The following IQCM variants were observed in gnomAD, a reference collection of about 807,000 sequenced individuals.
IQCM encodes the protein IQ motif containing M.
IQCM carries 45 observed loss-of-function variants against 57.6 expected under a neutral mutation model. That is an observed-to-expected ratio of 0.78 (90% CI 0.62 to 1.00). The LOEUF is 1.00. IQCM is among the 50% of genes least tolerant of loss of function. The pLI is 0.00. For missense variants in IQCM, 468 were observed against 511.6 expected, an observed-to-expected ratio of 0.91 and a Z score of 0.82; for synonymous variants, 148 against 158.9, an observed-to-expected ratio of 0.93 and a Z score of 0.51.
chr4:149,813,629 G>C (rs1163296115), intron 2 of IQCM, among the ~76,000 whole-genome samples: 1 of 152,028 alleles, frequency 6.6e-6, no homozygotes, highest in African/African-American at 2.4e-5. Context: ...AGCTATCTGA[G>C]AAGTAATTAG....
intron 10 of IQCM, among the ~76,000 whole-genome samples, chr4:149,554,099 A>T (rs1749304728): frequency 6.6e-6 from 1 of 151,726 alleles, no homozygotes; most frequent in South Asian, 2.1e-4. Context: ...AATTTTTTAA[A>T]TTTTCATTAT....
intron 2 of IQCM, among the ~76,000 whole-genome samples, chr4:149,782,437 C>T (rs1438898343): frequency 6.6e-6 from 1 of 151,874 alleles, no homozygotes; most frequent in Non-Finnish European, 1.5e-5. Context: ...AAGTGAGACT[C>T]TCTCTCTCTA....
At chr4:149,771,474 A>G (rs1241377223) in intron 2 of IQCM, among the ~76,000 whole-genome samples, 2 of 152,296 alleles carry the variant, frequency 1.3e-5, no homozygotes, top group East Asian at 1.9e-4. Flanking sequence ...TATGAAAGTT[A>G]TCTCTTCAAA....
intron 9 of IQCM, among the ~76,000 whole-genome samples, chr4:149,583,943 A>G (rs747911352): frequency 2.4e-4 from 36 of 151,506 alleles, no homozygotes; most frequent in Non-Finnish European, 3.8e-4. Flanking sequence ...GATGCTAGGA[A>G]AAAATGAGAT....
chr4:149,467,925 A>C (rs546393137), intron 12 of IQCM, among the ~76,000 whole-genome samples: 23 of 152,302 alleles, frequency 1.5e-4, no homozygotes, highest in African/African-American at 5.1e-4. Flanking sequence ...TCATCAATGC[A>C]GGGCACAGAG....
chr4:149,795,306 T>G (rs1561283268), intron 2 of IQCM, among the ~76,000 whole-genome samples: 3 of 152,108 alleles, frequency 2.0e-5, no homozygotes, highest in Non-Finnish European at 1.5e-5. Context: ...ACTGCAATTG[T>G]GAGGCATTTA....
chr4:149,460,612 G>C (rs1456844017), intron 12 of IQCM, among the ~76,000 whole-genome samples: 6 of 151,868 alleles, frequency 4.0e-5, no homozygotes, highest in African/African-American at 1.5e-4. Flanking sequence ...CATCACATAA[G>C]AGGATCAATA....
chr4:149,447,302 C>A (rs1384714958), intron 12 of IQCM, among the ~76,000 whole-genome samples: 1 of 151,462 alleles, frequency 6.6e-6, no homozygotes, highest in East Asian at 1.9e-4. Flanking sequence ...ACCAGACATG[C>A]AAAGAGGTAG....
intron 2 of IQCM, among the ~76,000 whole-genome samples, chr4:149,766,961 T>C (rs1356021741): frequency 6.6e-6 from 1 of 152,086 alleles, no homozygotes; most frequent in Non-Finnish European, 1.5e-5. Context: ...ATTTTTTCCT[T>C]ACTTAGGGCT....
rs549316807 is a variant in IQCM, at chr4:149,592,590, G to A, written c.682-4593C>T. 4.0e-5 allele frequency among the ~76,000 whole-genome samples: 6 copies of A among 151,854 alleles called. No homozygotes were observed. In the East Asian group the frequency reaches 9.7e-4, roughly 24 times the overall value. ...TTCTTCTAGGGTTTTTATGGTTTTA[G>A]GTCTAACATTTAAGTCTTTAATCCA... On this transcript the variant is annotated intron_variant, in intron 8 of 13. Transcript: ENST00000636793.
chr4:149,417,409 C>T (rs72953701), intron 13 of IQCM, among the ~76,000 whole-genome samples: 2,768 of 152,144 alleles, frequency 0.018, 55 homozygotes, highest in African/African-American at 0.054. Flanking sequence ...GTACAGTTTA[C>T]GTGCCAGGAG....
rs565379980 is a variant in IQCM, at chr4:149,431,199, T to C, written c.1390+2197A>G. ...CAGTCTGGGCTACAAAGTGAGATTC[T>C]CTTTCAAAAAGAAGAAGAAAAGAAA... On this transcript the variant is annotated intron_variant, in intron 13 of 13. Coordinates refer to ENST00000636793, the MANE Select transcript of IQCM (RefSeq NM_001363507.2). 4.8e-4 allele frequency among the ~76,000 whole-genome samples: 73 copies of C among 152,072 alleles called. 1 individual carries two copies. The South Asian group carries it at 0.015, about 32-fold the overall frequency.
At chr4:149,485,609 T>C (rs1219037921) in intron 12 of IQCM, among the ~76,000 whole-genome samples, 1 of 152,084 alleles carries the variant, frequency 6.6e-6, no homozygotes, top group African/African-American at 2.4e-5. Flanking sequence ...AATTCTGAAT[T>C]CATTCTCTAT....
At chr4:149,440,385 C>G (rs1469210079) in intron 12 of IQCM, among the ~76,000 whole-genome samples, 1 of 151,966 alleles carries the variant, frequency 6.6e-6, no homozygotes, top group African/African-American at 2.4e-5. Flanking sequence ...GAGGGCAACT[C>G]TATGAATTTT....
intron 10 of IQCM, among the ~76,000 whole-genome samples, chr4:149,560,070 G>C (rs113108185): frequency 6.6e-6 from 1 of 152,282 alleles, no homozygotes; most frequent in Non-Finnish European, 1.5e-5. Context: ...CCACAAAACT[G>C]GTCCCTGGCA....
chr4:149,500,741 G>C (rs1743154612), intron 12 of IQCM, among the ~76,000 whole-genome samples: 1 of 152,104 alleles, frequency 6.6e-6, no homozygotes. Context: ...TCCACCTAGG[G>C]TCAGTAAGAA....
intron 13 of IQCM, among the ~76,000 whole-genome samples, chr4:149,395,127 A>G (rs1443647356): frequency 6.6e-6 from 1 of 152,048 alleles, no homozygotes; most frequent in Non-Finnish European, 1.5e-5. Flanking sequence ...GCCAATTCAA[A>G]TGGGAAAGAT....
At chr4:149,468,148 G>A (rs1355893065) in intron 12 of IQCM, among the ~76,000 whole-genome samples, 2 of 152,120 alleles carry the variant, frequency 1.3e-5, no homozygotes, top group African/African-American at 2.4e-5. Context: ...TTGTCAGACA[G>A]TGGATGCAGC....
At chr4:149,659,884 G>A (rs907007814) in intron 7 of IQCM, among the ~76,000 whole-genome samples, 1 of 151,542 alleles carries the variant, frequency 6.6e-6, no homozygotes, top group Non-Finnish European at 1.5e-5. Flanking sequence ...AACCCTAGAA[G>A]AAAACCTAGG....
Sources: allele counts gnomAD v4.1 joint callset (sites outside exome capture counted in the v4.1 genomes callset), GRCh38; gene constraint gnomAD v4.1.1; transcripts MANE v1.5; gene names NCBI Gene and HGNC (gene_info 2026-07-23, HGNC 2026-07-21).